Variants in WHRN observed in about 807,000 individuals in gnomAD.
WHRN encodes CASK-interacting protein CIP98.
Under a neutral mutation model 68.3 loss-of-function variants are expected in WHRN, and 41 were observed. The ratio of observed to expected loss-of-function variants is 0.60; its 90% confidence interval spans 0.47 to 0.78. WHRN has a LOEUF of 0.78. WHRN is among the 30% of genes least tolerant of loss of function. The pLI is 0.00. For missense variants in WHRN, 1,243 were observed against 1,244.7 expected (o/e 1.00, Z 0.02); for synonymous variants, 560 against 561.3 (o/e 1.00, Z 0.03).
intron 3 of WHRN, among the ~76,000 whole-genome samples, chr9:114,460,015 G>C (rs961962900): frequency 4.6e-5 from 7 of 152,294 alleles, no homozygotes; most frequent in Admixed American, 3.3e-4. Context: ...AGGAGCCTCA[G>C]CCAGGATGGC....
At chr9:114,410,696 G>A (rs892609270) in intron 7 of WHRN, among the ~76,000 whole-genome samples, 2 of 152,204 alleles carry the variant, frequency 1.3e-5, no homozygotes, top group African/African-American at 2.4e-5. Flanking sequence ...AGTCAGGCAG[G>A]GGCAACTGCC....
intron 7 of WHRN, among the ~76,000 whole-genome samples, chr9:114,415,905 G>GA (rs1012480957): frequency 5.3e-4 from 79 of 148,682 alleles, no homozygotes; most frequent in African/African-American, 6.4e-4. Flanking sequence ...ACTTGTTTCT[G>GA]AAAAAAAAAA....
In WHRN at chr9:114,426,366, G is replaced by C; in HGVS notation, c.1011C>G (p.Ile337Met). Residue 337 changes from isoleucine (I) to methionine (M), a missense_variant, in exon 4 of 12, where the codon ATC becomes ATG. Physicochemically the swap from Ile to Met is conservative, Grantham distance 10. Coordinates refer to ENST00000362057, the MANE Select transcript of WHRN (RefSeq NM_015404.4). The part of the protein sequence containing the change: ...LEVNGRSFLN[I>M]LHDEAVRLLK... Reference sequence around the variant, plus strand: ...GCAGCCTGACAGCCTCGTCGTGTAGGATGTTGAGAAAGCTCCGCCCATTCA... The same window carrying C: ...GCAGCCTGACAGCCTCGTCGTGTAGCATGTTGAGAAAGCTCCGCCCATTCA... 6.2e-7 allele frequency: 1 copy of C among 1,614,100 alleles called. No individual in the cohort carries two copies. Among genetic ancestry groups the C allele is most frequent in the East Asian group, 2.2e-5 (1 of 44,886 alleles).
At chr9:114,423,267 A>T in intron 7 of WHRN, 47 bp downstream of exon 7, 1 of 1,596,664 alleles carries the variant, frequency 6.3e-7, no homozygotes, top group Non-Finnish European at 8.6e-7. Flanking sequence ...CCAGCATCTT[A>T]ACTCTGCCCT....
chr9:114,459,088 T>C (rs1377634233), intron 3 of WHRN, among the ~76,000 whole-genome samples: 2 of 152,126 alleles, frequency 1.3e-5, no homozygotes, highest in Non-Finnish European at 2.9e-5. Context: ...GAAAAGAACA[T>C]TCATTCTTTA....
rs761355103 is a variant in WHRN at position 114,460,303 on chromosome 9, A to C, written c.963+5964T>G. Among the ~76,000 whole-genome samples, 88 of 152,256 alleles carry C rather than the reference A, an allele frequency of 5.8e-4. 1 individual carries two copies. The highest frequency in any genetic ancestry group is 6.8e-3 in the Middle Eastern group (2 of 294). On this transcript the variant is annotated intron_variant, in intron 3 of 11. Transcript: ENST00000362057. ...TGTGTAATCCCCGGGAAGCTACTTC[A>C]CCTCTCTGAGCCTCAGTTGTTCATG...
intron 3 of WHRN, among the ~76,000 whole-genome samples, chr9:114,464,715 T>C (rs559691836): frequency 6.6e-6 from 1 of 152,128 alleles, no homozygotes; most frequent in African/African-American, 2.4e-5. Flanking sequence ...ATTATTATTA[T>C]ATAGTAAAGG....
Position 114,504,225 on chromosome 9 carries a change from C to T in WHRN, c.577G>A (p.Asp193Asn), listed in dbSNP as rs755224293. ...RVGDQILRVNDKSLARVTHAE... is the reference protein window; with the variant it reads ...RVGDQILRVNNKSLARVTHAE... Reference sequence around the variant, plus strand: ...TGGGTCACCCGGGCCAGGGATTTGTCGTTGACGCGCAGAATCTGGTCCCCG... The same window carrying T: ...TGGGTCACCCGGGCCAGGGATTTGTTGTTGACGCGCAGAATCTGGTCCCCG... The change falls in exon 1 of 12, where the codon GAC becomes AAC. Residue 193 changes from aspartate to asparagine, a missense_variant. Physicochemically the swap from Asp to Asn is conservative, Grantham distance 23. Transcript: ENST00000362057. The T allele has an allele frequency of 6.2e-7, 1 of 1,614,196 alleles. No homozygotes were observed. The highest frequency in any genetic ancestry group is 8.5e-7 in the Non-Finnish European group (1 of 1,180,040).
chr9:114,436,263 G>T (rs527792925), intron 3 of WHRN, among the ~76,000 whole-genome samples: 1 of 152,108 alleles, frequency 6.6e-6, no homozygotes, highest in Admixed American at 6.5e-5. Flanking sequence ...TTAGAGGGGT[G>T]ATACTCTTCT....
At chr9:114,487,205 G>A (rs781524109) in intron 1 of WHRN, among the ~76,000 whole-genome samples, 2 of 91,514 alleles carry the variant, frequency 2.2e-5, no homozygotes, top group African/African-American at 8.7e-5. Context: ...TTTTTTTTTT[G>A]TCTAACAAGA....
At chr9:114,493,024 G>A (rs1843121520) in intron 1 of WHRN, among the ~76,000 whole-genome samples, 1 of 151,778 alleles carries the variant, frequency 6.6e-6, no homozygotes, top group Non-Finnish European at 1.5e-5. Context: ...CTCAAAAAAA[G>A]AAAAACAATT....
At position 114,423,321 on chromosome 9, in the gene WHRN, G is replaced by A. The variant is rs201337534; in HGVS notation, c.1619C>T (p.Ser540Leu). The change falls in exon 7 of 12, where the codon TCG becomes TTG. Residue 540 changes from serine (S) to leucine (L), a missense_variant. Ser to Leu is a moderately radical substitution (Grantham distance 145). Coordinates refer to ENST00000362057, the MANE Select transcript of WHRN (RefSeq NM_015404.4). ...GSHGTSTTVS[S>L]ARNTLDLEET... ...AAGGCAGAAGAAGCTCACCCTGGCC[G>A]AGCTGACGGTGGTGGAGGTGCCGTG... 2.7e-5 allele frequency: 43 copies of A among 1,613,922 alleles called. No homozygotes were observed. Among genetic ancestry groups the A allele is most frequent in the Admixed American group, 1.2e-4 (7 of 60,024 alleles).
chr9:114,494,931 G>A (rs1019008064), intron 1 of WHRN, among the ~76,000 whole-genome samples: 8 of 146,038 alleles, frequency 5.5e-5, no homozygotes, highest in Non-Finnish European at 1.0e-4. Flanking sequence ...TGACACTGGG[G>A]GGGGGAGCGG....
chr9:114,430,125 T>C (rs999529504), intron 3 of WHRN, among the ~76,000 whole-genome samples: 2 of 152,184 alleles, frequency 1.3e-5, no homozygotes, highest in African/African-American at 4.8e-5. Context: ...GGAACGGGCA[T>C]CCAAGAGACC....
At chr9:114,409,161 C>A (rs1835249913) in intron 7 of WHRN, among the ~76,000 whole-genome samples, 1 of 152,238 alleles carries the variant, frequency 6.6e-6, no homozygotes, top group Non-Finnish European at 1.5e-5. Flanking sequence ...TACATCAACA[C>A]TTGGCTGAGG....
rs10982217 is a variant in WHRN at position 114,433,627 on chromosome 9, G to A, written c.964-7214C>T. On this transcript the variant is annotated intron_variant, in intron 3 of 11. Coordinates refer to ENST00000362057, the MANE Select transcript of WHRN (RefSeq NM_015404.4). ...TCTTTCATTACAAGTAAGCAATACAGTTTTAATGAGACATTAGTTTTTCCC... is the reference window on the plus strand; with the variant it reads ...TCTTTCATTACAAGTAAGCAATACAATTTTAATGAGACATTAGTTTTTCCC... 2.1e-3 allele frequency among the ~76,000 whole-genome samples: 320 copies of A among 152,240 alleles called. 8 individuals are homozygous for A. In the South Asian group the frequency reaches 0.034, roughly 16 times the overall value.
intron 1 of WHRN, among the ~76,000 whole-genome samples, chr9:114,499,800 T>TCA (rs1843770543): frequency 6.6e-6 from 1 of 152,164 alleles, no homozygotes; most frequent in East Asian, 1.9e-4. Context: ...GGTTAAAGAA[T>TCA]CACACTTATC....
chr9:114,456,905 A>G (rs1839856474), intron 3 of WHRN, among the ~76,000 whole-genome samples: 1 of 152,094 alleles, frequency 6.6e-6, no homozygotes. Context: ...GTATGTAACT[A>G]TGTTTTAGGT....
chr9:114,456,655 C>T (rs1839826894), intron 3 of WHRN, among the ~76,000 whole-genome samples: 1 of 152,038 alleles, frequency 6.6e-6, no homozygotes, highest in East Asian at 1.9e-4. Context: ...TGAGGAGACC[C>T]AGTCTTTACT....
Sources: allele counts gnomAD v4.1 joint callset (sites outside exome capture counted in the v4.1 genomes callset), GRCh38; gene constraint gnomAD v4.1.1; transcripts MANE v1.5; gene names NCBI Gene and HGNC (gene_info 2026-07-23, HGNC 2026-07-21).